PICALM: variants seen among roughly 807,000 people sequenced by gnomAD.
PICALM encodes the protein phosphatidylinositol-binding clathrin assembly protein.
In PICALM, 40 loss-of-function variants were observed where a neutral mutation model predicts 80.5. That is an observed-to-expected ratio of 0.50 (90% confidence interval 0.39 to 0.65). The LOEUF is 0.65. PICALM is among the 30% of genes least tolerant of loss of function. The pLI is 0.00. For missense variants in PICALM, 676 were observed against 778.9 expected, an observed-to-expected ratio of 0.87 and a Z score of 1.57; for synonymous variants, 288 against 260.3, an observed-to-expected ratio of 1.11 and a Z score of -1.02.
intron 1 of PICALM, among the ~76,000 whole-genome samples, chr11:86,058,708 C>T (rs139595498): frequency 2.4e-4 from 36 of 152,282 alleles, no homozygotes; most frequent in Non-Finnish European, 4.4e-4. Context: ...TTTTCTTTTA[C>T]ATTTTGATAT....
rs184119532 is a variant in PICALM, at chr11:86,050,493, A to G, written c.130+18158T>C. Among the ~76,000 whole-genome samples, 626 of 152,290 alleles carry G rather than the reference A, an allele frequency of 4.1e-3. 8 individuals are homozygous for G. Among genetic ancestry groups the G allele is most frequent in the African/African-American group, 0.014 (599 of 41,562 alleles). On this transcript the variant is annotated intron_variant, in intron 1 of 19. Transcript: ENST00000393346. The stretch of plus-strand genomic sequence containing the variant: ...ATTAAACAGATACATGCAATTCCCC[A>G]TTCTACAATACATATACACAGCATT...
At chr11:85,968,609 T>C (rs1366796742) in intron 19 of PICALM, among the ~76,000 whole-genome samples, 1 of 152,230 alleles carries the variant, frequency 6.6e-6, no homozygotes, top group African/African-American at 2.4e-5. Flanking sequence ...TAGCTGTATA[T>C]TGCAACTAAA....
chr11:86,049,713 G>T (rs536025267), intron 1 of PICALM, among the ~76,000 whole-genome samples: 1 of 151,214 alleles, frequency 6.6e-6, no homozygotes, highest in Non-Finnish European at 1.5e-5. Context: ...GGTTACAGGC[G>T]TGAGCCACCA....
chr11:85,964,054 AT>A (rs1221324243), intron 19 of PICALM, among the ~76,000 whole-genome samples: 1 of 151,836 alleles, frequency 6.6e-6, no homozygotes, highest in Non-Finnish European at 1.5e-5. Context: ...ATAGACTATC[AT>A]AAAATAAAAA....
At chr11:86,044,114 G>A (rs2096024286) in intron 1 of PICALM, among the ~76,000 whole-genome samples, 1 of 152,278 alleles carries the variant, frequency 6.6e-6, no homozygotes, top group South Asian at 2.1e-4. Context: ...CTATTATCAC[G>A]GAGCTTATAT....
At chr11:85,996,792 T>C (rs750739934) in intron 12 of PICALM, 34 bp downstream of exon 12, 6 of 1,151,712 alleles carry the variant, frequency 5.2e-6, no homozygotes, top group South Asian at 3.7e-5. Context: ...GAGAGATGCA[T>C]GTAACATCTA....
At chr11:86,007,188 G>C (rs602222) in intron 8 of PICALM, among the ~76,000 whole-genome samples, 1 of 151,996 alleles carries the variant, frequency 6.6e-6, no homozygotes, top group African/African-American at 2.4e-5. Flanking sequence ...ATAAATACTG[G>C]ATAATTCTCT....
intron 19 of PICALM, among the ~76,000 whole-genome samples, chr11:85,971,725 G>C (rs577914933): frequency 5.3e-5 from 8 of 149,746 alleles, no homozygotes; most frequent in Admixed American, 4.7e-4. Flanking sequence ...GACAGAGCAA[G>C]ACCCTGTCTC....
chr11:85,983,930 G>C lies in PICALM; in HGVS notation c.1452C>G (p.Gly484=). The C allele has an allele frequency of 6.2e-7, 1 of 1,604,818 alleles. No homozygotes were observed. The highest frequency in any genetic ancestry group is 8.5e-7 in the Non-Finnish European group (1 of 1,173,036). The change falls in exon 14 of 20, where the codon GGC becomes GGG. Residue 484 remains glycine (G), a synonymous_variant. Coordinates refer to ENST00000393346, the MANE Select transcript of PICALM (RefSeq NM_007166.4). ...SPVAQPHPSA[G]LNVDFESVFG... ...ACACAGATTCAAAGTCAACATTAAGGCCAGCTGAAGGGTGTGGCTGTGCAA... is the reference window on the plus strand; with the variant it reads ...ACACAGATTCAAAGTCAACATTAAGCCCAGCTGAAGGGTGTGGCTGTGCAA...
chr11:86,065,638 C>G (rs1261335320), intron 1 of PICALM, among the ~76,000 whole-genome samples: 7 of 152,106 alleles, frequency 4.6e-5, no homozygotes. Context: ...GCTGCTATTC[C>G]TCTACCTTGA....
intron 13 of PICALM, among the ~76,000 whole-genome samples, chr11:85,986,119 A>G (rs1048257817): frequency 6.7e-6 from 1 of 150,200 alleles, no homozygotes; most frequent in African/African-American, 2.4e-5. Flanking sequence ...AAACAGAGGG[A>G]AAAAGTAAAA....
At chr11:86,008,732 C>T (rs2095327906) in intron 7 of PICALM, among the ~76,000 whole-genome samples, 1 of 151,940 alleles carries the variant, frequency 6.6e-6, no homozygotes, top group South Asian at 2.1e-4. Context: ...TGCCTTCTTC[C>T]AGGAACTAAG....
intron 1 of PICALM, among the ~76,000 whole-genome samples, chr11:86,065,483 TG>T (rs2096434921): frequency 6.6e-6 from 1 of 152,112 alleles, no homozygotes; most frequent in Admixed American, 6.5e-5. Context: ...GCAATAATTA[TG>T]GTTCTTTTAA....
intron 12 of PICALM, among the ~76,000 whole-genome samples, chr11:85,991,946 C>A (rs1322179449): frequency 6.6e-6 from 1 of 152,128 alleles, no homozygotes; most frequent in African/African-American, 2.4e-5. Context: ...GCCTCAAACT[C>A]CTGGGCTCAA....
intron 2 of PICALM, among the ~76,000 whole-genome samples, chr11:86,030,839 G>T (rs1593121981): frequency 2.0e-5 from 3 of 152,326 alleles, no homozygotes; most frequent in Middle Eastern, 6.8e-3. Flanking sequence ...CTAAAGCTGG[G>T]TGTGATGGCT....
intron 1 of PICALM, among the ~76,000 whole-genome samples, chr11:86,058,534 T>A (rs1030113622): frequency 6.6e-6 from 1 of 152,148 alleles, no homozygotes; most frequent in Admixed American, 6.5e-5. Context: ...CTGCTAAAAA[T>A]TCCATGTATT....
At chr11:85,990,136 GA>G in intron 13 of PICALM, 113 bp downstream of exon 13, 1 of 460,310 alleles carries the variant, frequency 2.2e-6, no homozygotes, top group East Asian at 3.7e-5. Context: ...TTTAGAATTT[GA>G]TATTAAAATC....
At chr11:85,988,494 C>T (rs2094649505) in intron 13 of PICALM, among the ~76,000 whole-genome samples, 1 of 151,698 alleles carries the variant, frequency 6.6e-6, no homozygotes, top group Admixed American at 6.6e-5. Flanking sequence ...GAGCTGGCTA[C>T]AGTAGAAGAA....
intron 7 of PICALM, among the ~76,000 whole-genome samples, chr11:86,008,544 C>CGTAGGGA (rs777901081): frequency 1.3e-5 from 2 of 151,698 alleles, no homozygotes; most frequent in African/African-American, 2.4e-5. Flanking sequence ...CGTTTGAACC[C>CGTAGGGA]GGGAGGTAGA....
Sources: allele counts gnomAD v4.1 joint callset (sites outside exome capture counted in the v4.1 genomes callset), GRCh38; gene constraint gnomAD v4.1.1; transcripts MANE v1.5; gene names NCBI Gene and HGNC (gene_info 2026-07-23, HGNC 2026-07-21).